The following DIP2C variants were observed in gnomAD, a reference collection of about 807,000 sequenced individuals.
DIP2C encodes the protein DIP2 acetate--CoA ligase C (putative).
Under a neutral mutation model 192.4 loss-of-function variants are expected in DIP2C, and 33 were observed. The observed-to-expected ratio is 0.17, with a 90% confidence interval of 0.13 to 0.23. The LOEUF is 0.23. Ranked by LOEUF, DIP2C falls within the 10% of genes least tolerant of loss-of-function variation. DIP2C has a pLI of 1.00. For missense variants in DIP2C, 1,537 were observed against 2,110.1 expected, an observed-to-expected ratio of 0.73 and a Z score of 5.32; for synonymous variants, 979 against 864.1, an observed-to-expected ratio of 1.13 and a Z score of -2.33.
intron 9 of DIP2C, among the ~76,000 whole-genome samples, chr10:401,569 A>C (rs1328410417): frequency 2.4e-3 from 10 of 4,218 alleles, no homozygotes; most frequent in Non-Finnish European, 4.4e-3. Flanking sequence ...TTTCATCAGC[A>C]CATGAATCCT....
At chr10:392,933 C>G (rs1303051381) in intron 10 of DIP2C, among the ~76,000 whole-genome samples, 1 of 152,210 alleles carries the variant, frequency 6.6e-6, no homozygotes, top group Non-Finnish European at 1.5e-5. Context: ...AGAAAGGGAC[C>G]AGACAGATGG....
intron 17 of DIP2C, among the ~76,000 whole-genome samples, chr10:371,155 ACCCT>A (rs1960906043): frequency 2.0e-5 from 1 of 50,580 alleles, no homozygotes; most frequent in Non-Finnish European, 6.8e-5. Context: ...CCATCCCCTC[ACCCT>A]GCACCATCCC....
At chr10:486,432 C>G in intron 2 of DIP2C, 27 bp downstream of exon 2, 1 of 1,570,712 alleles carries the variant, frequency 6.4e-7, no homozygotes, top group African/African-American at 1.4e-5. Context: ...AATGAGAGGA[C>G]TCATGCTACT....
intron 1 of DIP2C, among the ~76,000 whole-genome samples, chr10:634,451 T>C (rs1854713563): frequency 1.3e-5 from 2 of 152,374 alleles, no homozygotes; most frequent in South Asian, 4.1e-4. Flanking sequence ...TATGCTTCCC[T>C]GCCCTCTCTT....
chr10:288,510 C>T, intron 32 of DIP2C, 89 bp from the exon 33 acceptor site: 1 of 1,404,288 alleles, frequency 7.1e-7, no homozygotes, highest in South Asian at 1.2e-5. Flanking sequence ...AGCCTGGCAG[C>T]TGTCCGGGAA....
intron 32 of DIP2C, among the ~76,000 whole-genome samples, chr10:305,994 T>TATATATATATATATATATATATACATA (rs201950305): frequency 1.3e-5 from 2 of 148,678 alleles, no homozygotes; most frequent in Non-Finnish European, 3.0e-5. Flanking sequence ...TATATATATA[T>TATATATATATATATATATATATACATA]TATATTTTTT....
intron 17 of DIP2C, among the ~76,000 whole-genome samples, chr10:373,953 G>A (rs1589642555): frequency 2.0e-5 from 3 of 152,210 alleles, no homozygotes; most frequent in Admixed American, 6.5e-5. Context: ...ATAGCCCCCC[G>A]GATCCAATTT....
chr10:598,519 T>TG (rs1851856446), intron 1 of DIP2C, among the ~76,000 whole-genome samples: 1 of 151,972 alleles, frequency 6.6e-6, no homozygotes, highest in African/African-American at 2.4e-5. Flanking sequence ...GGGAGCATCA[T>TG]GGGGAGAGGC....
intron 1 of DIP2C, among the ~76,000 whole-genome samples, chr10:558,895 C>CA (rs1477143516): frequency 7.2e-5 from 11 of 152,258 alleles, no homozygotes; most frequent in South Asian, 2.1e-4. Context: ...TTGGAGAACA[C>CA]AGCAGGACCC....
chr10:525,970 C>T (rs923780166), intron 1 of DIP2C, among the ~76,000 whole-genome samples: 2 of 152,222 alleles, frequency 1.3e-5, no homozygotes, highest in Admixed American at 6.5e-5. Flanking sequence ...CCAGTCATGG[C>T]TCACACAGGC....
At chr10:623,121 G>A (rs1407848852) in intron 1 of DIP2C, among the ~76,000 whole-genome samples, 2 of 152,326 alleles carry the variant, frequency 1.3e-5, no homozygotes, top group South Asian at 2.1e-4. Context: ...GAGCCAGTGA[G>A]GTGGCTGCAC....
At chr10:650,006 A>G (rs575234720) in intron 1 of DIP2C, 4 of 654,920 alleles carry the variant, frequency 6.1e-6, no homozygotes, top group Non-Finnish European at 1.1e-5. Context: ...GTTCACATCA[A>G]CAATTCCTTA....
chr10:433,570 A>G (rs1966936341), intron 4 of DIP2C, among the ~76,000 whole-genome samples: 1 of 152,148 alleles, frequency 6.6e-6, no homozygotes, highest in East Asian at 1.9e-4. Context: ...AGTCCCAGCT[A>G]CTCGGGAGGC....
intron 1 of DIP2C, among the ~76,000 whole-genome samples, chr10:590,616 A>G (rs1383657915): frequency 6.6e-6 from 1 of 152,238 alleles, no homozygotes; most frequent in Non-Finnish European, 1.5e-5. Context: ...ATGAGAGTTT[A>G]CTACAATCTT....
At chr10:514,258 A>G (rs1311323146) in intron 1 of DIP2C, among the ~76,000 whole-genome samples, 1 of 151,974 alleles carries the variant, frequency 6.6e-6, no homozygotes, top group Non-Finnish European at 1.5e-5. Flanking sequence ...ACAGTGCATT[A>G]TCGACTCAGT....
intron 28 of DIP2C, among the ~76,000 whole-genome samples, chr10:342,325 A>AT (rs1958191454): frequency 6.6e-6 from 1 of 151,944 alleles, no homozygotes; most frequent in Non-Finnish European, 1.5e-5. Context: ...CGCCCGGCTA[A>AT]TTTTTTGTAT....
rs1390552784 is a variant in DIP2C, at chr10:636,729, G to T, written c.85+52765C>A. 6.6e-6 allele frequency among the ~76,000 whole-genome samples: 1 copy of T among 152,190 alleles called. No homozygotes were observed. The highest frequency in any genetic ancestry group is 1.5e-5 in the Non-Finnish European group (1 of 68,040). ...CTTTATCTGTGATGACTTTTCGAGA[G>T]TCTGGGGCCAACGTCCTGCAGAACG... On this transcript the variant is annotated intron_variant, in intron 1 of 36. Coordinates refer to ENST00000280886, the MANE Select transcript of DIP2C (RefSeq NM_014974.3). The surrounding 1 kb of genome is among the most constrained non-coding windows in gnomAD (Gnocchi z 4.6).
chr10:634,533 G>C (rs545160058), intron 1 of DIP2C, among the ~76,000 whole-genome samples: 181 of 152,250 alleles, frequency 1.2e-3, no homozygotes, highest in African/African-American at 4.1e-3. Flanking sequence ...TCAACGGCAG[G>C]CCACCAATTA....
In DIP2C at chr10:315,230, C is replaced by T. The variant is rs147995072; in HGVS notation, c.3925-5138G>A. Among the ~76,000 whole-genome samples, 6 of 152,332 alleles carry T rather than the reference C, an allele frequency of 3.9e-5. No homozygotes were observed. The South Asian group carries it at 1.2e-3, about 32-fold the overall frequency. On this transcript the variant is annotated intron_variant, in intron 31 of 36. Transcript: ENST00000280886. ...CACCTCAGCTGTTCATATTTTTAAA[C>T]AGTTAATACTTTTAAAACAAACTAA...
Sources: gnomAD v4.1 joint callset for allele counts (sites outside exome capture counted in the v4.1 genomes callset) on GRCh38, gnomAD v4.1.1 for gene constraint, Gnocchi (gnomAD v3.1) non-coding constraint, MANE v1.5 for transcripts, NCBI Gene and HGNC (gene_info 2026-07-23, HGNC 2026-07-21) for gene names.